Variants in CNTN5 observed in about 807,000 individuals in gnomAD.
CNTN5 encodes the protein contactin 5.
A neutral mutation model predicts 129.1 loss-of-function variants in CNTN5; 77 were observed. That is an observed-to-expected ratio of 0.60 (90% CI 0.50 to 0.72). The LOEUF is 0.72. Ranked by LOEUF, CNTN5 falls within the 30% of genes least tolerant of loss-of-function variation. CNTN5 has a pLI of 0.00. For missense variants in CNTN5, 1,478 were observed against 1,328.8 expected, an observed-to-expected ratio of 1.11 and a Z score of -1.75; for synonymous variants, 509 against 465.6, an observed-to-expected ratio of 1.09 and a Z score of -1.20.
At chr11:99,090,512 A>T (rs1465683894) in intron 1 of CNTN5, among the ~76,000 whole-genome samples, 1 of 152,140 alleles carries the variant, frequency 6.6e-6, no homozygotes, top group Non-Finnish European at 1.5e-5. Flanking sequence ...TGCTTATCAG[A>T]TCATGTGATA....
At chr11:99,184,891 CTAG>C (rs1858261498) in intron 1 of CNTN5, among the ~76,000 whole-genome samples, 1 of 151,870 alleles carries the variant, frequency 6.6e-6, no homozygotes, top group African/African-American at 2.4e-5. Context: ...TGATAAAAGA[CTAG>C]TCATTGGTTT....
At chr11:100,036,860 G>T (rs1163363573) in intron 9 of CNTN5, among the ~76,000 whole-genome samples, 2 of 146,966 alleles carry the variant, frequency 1.4e-5, no homozygotes, top group Non-Finnish European at 3.0e-5. Flanking sequence ...AGCTTGAGGA[G>T]GTTTTGGGCT....
At chr11:99,547,170 A>C (rs1257048851) in intron 2 of CNTN5, among the ~76,000 whole-genome samples, 1 of 151,858 alleles carries the variant, frequency 6.6e-6, no homozygotes, top group African/African-American at 2.4e-5. Context: ...CACCCGGCTA[A>C]TTTTGTATTT....
At position 99,839,117 on chromosome 11, in the gene CNTN5, C is replaced by T. The variant is rs1419158202; in HGVS notation, c.278-5735C>T. Among the ~76,000 whole-genome samples the T allele has an allele frequency of 3.5e-5, 5 of 144,438 alleles. No homozygotes were observed. The East Asian group carries it at 1.3e-3, about 37-fold the overall frequency. 94.8% of individuals were successfully genotyped at this position (144,438 alleles called of 152,430 possible). ...TCATTATTTTGAAATACAATTAAAA[C>T]AAACAAGATTAAAAAGGAGGCATGA... On this transcript the variant is annotated intron_variant, in intron 4 of 24. Transcript: ENST00000524871.
At chr11:100,177,235 AT>A (rs556512925) in intron 13 of CNTN5, among the ~76,000 whole-genome samples, 3 of 152,088 alleles carry the variant, frequency 2.0e-5, no homozygotes, top group Non-Finnish European at 4.4e-5. Flanking sequence ...AGGCTAACTA[AT>A]TTTGAACCTC....
rs151253473 is a variant in CNTN5 at position 100,085,800 on chromosome 11, A to G, written c.1580+11506A>G. Among the ~76,000 whole-genome samples the G allele has an allele frequency of 7.8e-4, 118 of 152,240 alleles. 1 individual carries two copies. Among genetic ancestry groups the G allele is most frequent in the African/African-American group, 2.3e-3 (95 of 41,584 alleles). ...ATGAGAGCGTCCTAATTCTGTTTGAATCTAAAACCTGTTCTCAGTCTACTG... is the reference window on the plus strand; with the variant it reads ...ATGAGAGCGTCCTAATTCTGTTTGAGTCTAAAACCTGTTCTCAGTCTACTG... On this transcript the variant is annotated intron_variant, in intron 13 of 24. Transcript: ENST00000524871.
At chr11:100,046,816 C>G (rs563086526) in intron 9 of CNTN5, among the ~76,000 whole-genome samples, 1 of 152,002 alleles carries the variant, frequency 6.6e-6, no homozygotes, top group African/African-American at 2.4e-5. Context: ...CAGTTGTTGT[C>G]ATATATTGGA....
chr11:99,466,507 T>C (rs1944949351), intron 2 of CNTN5, among the ~76,000 whole-genome samples: 1 of 152,214 alleles, frequency 6.6e-6, no homozygotes, highest in Non-Finnish European at 1.5e-5. Context: ...TGGTTTCTTA[T>C]ATAGTTTCCT....
chr11:99,038,361 A>G (rs145209202), intron 1 of CNTN5, among the ~76,000 whole-genome samples: 89 of 152,296 alleles, frequency 5.8e-4, no homozygotes, highest in African/African-American at 2.1e-3. Flanking sequence ...TGTTACATAT[A>G]CTGTAGAGTG....
chr11:99,247,168 G>T (rs904098853), intron 1 of CNTN5, among the ~76,000 whole-genome samples: 6 of 152,074 alleles, frequency 3.9e-5, no homozygotes, highest in Non-Finnish European at 7.4e-5. Context: ...TATTAGCATT[G>T]ACTATTACAA....
At chr11:100,044,354 A>C (rs2137698159) in intron 9 of CNTN5, among the ~76,000 whole-genome samples, 1 of 152,200 alleles carries the variant, frequency 6.6e-6, no homozygotes, top group African/African-American at 2.4e-5. Flanking sequence ...CAGCAATGAA[A>C]TTGCTGAATT....
chr11:99,308,175 G>T (rs1041198617), intron 1 of CNTN5, among the ~76,000 whole-genome samples: 20 of 152,094 alleles, frequency 1.3e-4, no homozygotes, highest in Middle Eastern at 3.2e-3. Context: ...AGTACTACTG[G>T]AAACCATAAC....
rs1305313962 is a variant in CNTN5, at chr11:99,473,826, C to G, written c.-70-82319C>G. Reference sequence around the variant, plus strand: ...TATTTAAAATATAATATATATGAAACTGCTAAAGTAAACATTTACATTCTA... The same window carrying G: ...TATTTAAAATATAATATATATGAAAGTGCTAAAGTAAACATTTACATTCTA... On this transcript the variant is annotated intron_variant, in intron 2 of 24. Transcript: ENST00000524871. Among the ~76,000 whole-genome samples the G allele has an allele frequency of 3.1e-4, 47 of 151,766 alleles. 2 individuals are homozygous for G. The highest frequency in any genetic ancestry group is 3.1e-3 in the Admixed American group (47 of 15,216).
intron 2 of CNTN5, among the ~76,000 whole-genome samples, chr11:99,504,773 A>G (rs1335287005): frequency 6.6e-6 from 1 of 152,146 alleles, no homozygotes; most frequent in East Asian, 1.9e-4. Context: ...TGCTGACTCC[A>G]TAGACTTAAC....
intron 13 of CNTN5, among the ~76,000 whole-genome samples, chr11:100,116,353 T>C (rs575729420): frequency 3.3e-5 from 5 of 152,186 alleles, no homozygotes; most frequent in Non-Finnish European, 2.9e-5. Context: ...TTCATATTGA[T>C]GTTATGTAAT....
intron 8 of CNTN5, among the ~76,000 whole-genome samples, chr11:99,963,215 A>C (rs1016440492): frequency 6.6e-6 from 1 of 152,120 alleles, no homozygotes; most frequent in Non-Finnish European, 1.5e-5. Context: ...TTGGTGTTTT[A>C]GACATGAAGT....
chr11:99,213,446 ATATG>A (rs1193382597), intron 1 of CNTN5, among the ~76,000 whole-genome samples: 1 of 145,430 alleles, frequency 6.9e-6, no homozygotes, highest in Non-Finnish European at 1.5e-5. Context: ...ATATACACAT[ATATG>A]TATATACATA....
intron 7 of CNTN5, 147 bp from the exon 8 acceptor site, chr11:99,956,659 A>G: frequency 3.3e-6 from 2 of 597,080 alleles, no homozygotes; most frequent in East Asian, 2.9e-5. Context: ...TCCTTTGAAT[A>G]TAAAATACTA....
rs566769880 is a variant in CNTN5 at position 99,133,615 on chromosome 11, C to CAAAAAAAAAAAAAAAAAAAAAAA, written c.-210+112347_-210+112348insAAAAAAAAAAAAAAAAAAAAAAA. Among the ~76,000 whole-genome samples the CAAAAAAAAAAAAAAAAAAAAAAA allele has an allele frequency of 1.9e-5, 2 of 105,998 alleles. 1 individual carries two copies. The highest frequency in any genetic ancestry group is 3.8e-5 in the Non-Finnish European group (2 of 53,012). The allele number at this position is 105,998 out of a possible 152,430, so 69.5% of individuals were successfully genotyped here. On this transcript the variant is annotated intron_variant, in intron 1 of 24. Transcript: ENST00000524871. ...GCAAAGGATAGGAACAGACACTTCT[C>CAAAAAAAAAAAAAAAAAAAAAAA]AAGAAAAAAAAAAGACCATACATGC...
Sources: allele counts gnomAD v4.1 joint callset (sites outside exome capture counted in the v4.1 genomes callset), GRCh38; gene constraint gnomAD v4.1.1; transcripts MANE v1.5; gene names NCBI Gene and HGNC (gene_info 2026-07-23, HGNC 2026-07-21).